The following CRTAC1 variants were observed in gnomAD, a reference collection of about 807,000 sequenced individuals.
The protein encoded by CRTAC1 is acidic secreted protein in cartilage.
In CRTAC1, 37 loss-of-function variants were observed where a neutral mutation model predicts 67.8. The ratio of observed to expected loss-of-function variants is 0.55; its 90% CI spans 0.42 to 0.72. The LOEUF (loss-of-function observed/expected upper bound fraction) is 0.72. Ranked by LOEUF, CRTAC1 falls within the 30% of genes least tolerant of loss-of-function variation. The pLI is 0.00. For synonymous variants in CRTAC1, 348 were observed against 371.0 expected (o/e 0.94, Z 0.71); for missense variants, 780 against 931.6 (o/e 0.84, Z 2.12).
chr10:98,002,539 G>T (rs1842709918), intron 2 of CRTAC1, among the ~76,000 whole-genome samples: 1 of 151,824 alleles, frequency 6.6e-6, no homozygotes. Flanking sequence ...CAACCTCCAG[G>T]AATGCTTGCG....
rs746803120 is a variant in CRTAC1, at chr10:97,895,835, C to T, written c.1317+50G>A. ...ACCTTGCCCTCACCAACTCAAGGTA[C>T]CCGAGAGCACACAGGGCTGGGATCT... On this transcript the variant is annotated intron_variant, in intron 10 of 14. Coordinates refer to ENST00000370597, the MANE Select transcript of CRTAC1 (RefSeq NM_018058.7). This position sits in a 1 kb window ranked among gnomAD's most constrained non-coding sequence, Gnocchi z 4.2. 3 of 1,505,600 alleles carry T rather than the reference C, an allele frequency of 2.0e-6. No individual in the cohort carries two copies. The highest frequency in any genetic ancestry group is 2.8e-6 in the Non-Finnish European group (3 of 1,085,044). The allele number at this position is 1,505,600 out of a possible 1,614,324, so 93.3% of individuals were successfully genotyped here.
intron 14 of CRTAC1, among the ~76,000 whole-genome samples, chr10:97,872,983 A>G (rs933234107): frequency 8.5e-5 from 13 of 152,182 alleles, no homozygotes; most frequent in Non-Finnish European, 1.8e-4. Flanking sequence ...TGAAACCAGG[A>G]GGTTAAACGT....
intron 2 of CRTAC1, among the ~76,000 whole-genome samples, chr10:97,943,042 A>T (rs1170201845): frequency 6.6e-6 from 1 of 152,128 alleles, no homozygotes; most frequent in Non-Finnish European, 1.5e-5. Flanking sequence ...ACTGCACTCC[A>T]GCCTGGGCAA....
chr10:97,946,715 GCC>G (rs2051270399), intron 2 of CRTAC1, among the ~76,000 whole-genome samples: 1 of 152,198 alleles, frequency 6.6e-6, no homozygotes, highest in Non-Finnish European at 1.5e-5. Context: ...ACCTACCAGG[GCC>G]TCCTGATGGA....
chr10:97,972,688 G>A lies in CRTAC1; in HGVS notation c.225-36322C>T, dbSNP rs200942449. 4.1e-4 allele frequency among the ~76,000 whole-genome samples: 62 copies of A among 152,282 alleles called. No homozygotes were observed. In the East Asian group the frequency reaches 0.01, roughly 25 times the overall value. On this transcript the variant is annotated intron_variant, in intron 2 of 14. Coordinates refer to ENST00000370597, the MANE Select transcript of CRTAC1 (RefSeq NM_018058.7). ...GTGTAGTATCTATTGATAGGGAAAT[G>A]GTTGCATAAATTATAGAATATCCAC...
intron 8 of CRTAC1, 96 bp downstream of exon 8, chr10:97,901,407 G>GTAAA (rs1298351482): frequency 2.0e-6 from 3 of 1,512,400 alleles, no homozygotes; most frequent in Non-Finnish European, 2.7e-6. Flanking sequence ...CCTGGCCCTG[G>GTAAA]GAACCCTCCC....
At chr10:98,027,166 C>CAA (rs372224632) in intron 1 of CRTAC1, among the ~76,000 whole-genome samples, 1,444 of 116,212 alleles carry the variant, frequency 0.012, 26 homozygotes, top group African/African-American at 0.038. Flanking sequence ...GACTCCGTCT[C>CAA]AAAAAAAAAA....
intron 2 of CRTAC1, among the ~76,000 whole-genome samples, chr10:97,986,354 G>A (rs1425663844): frequency 1.3e-5 from 2 of 152,172 alleles, no homozygotes; most frequent in African/African-American, 2.4e-5. Flanking sequence ...CAACACATGC[G>A]AATCATCCAG....
intron 13 of CRTAC1, 85 bp downstream of exon 13, chr10:97,882,701 C>A: frequency 6.8e-7 from 1 of 1,476,720 alleles, no homozygotes; most frequent in South Asian, 1.1e-5. Context: ...TTGCTTGCAC[C>A]CTGGACCTTG....
chr10:97,917,640 G>C lies in CRTAC1; in HGVS notation c.575C>G (p.Ser192Cys). 1.3e-6 allele frequency: 2 copies of C among 1,584,138 alleles called. No homozygotes were observed. The highest frequency in any genetic ancestry group is 1.7e-6 in the Non-Finnish European group (2 of 1,161,366). ...GTAGGCGTAATTGGCAATGTAGATAGAGTAGCGTCCAGAGCCCTGAGGAAG... is the reference window on the plus strand; with the variant it reads ...GTAGGCGTAATTGGCAATGTAGATACAGTAGCGTCCAGAGCCCTGAGGAAG... ...CVDRKGSGRY[S>C]IYIANYAYGN... Residue 192 changes from serine (S) to cysteine (C), a missense_variant, in exon 5 of 15, where the codon TCT (serine) becomes TGT (cysteine). Coordinates refer to ENST00000370597, the MANE Select transcript of CRTAC1 (RefSeq NM_018058.7).
chr10:97,874,015 T>C (rs1465079373), intron 14 of CRTAC1, among the ~76,000 whole-genome samples: 1 of 152,204 alleles, frequency 6.6e-6, no homozygotes, highest in Non-Finnish European at 1.5e-5. Flanking sequence ...AAGCCCTGCC[T>C]CTCTTATTCC....
At chr10:97,923,186 A>G in intron 4 of CRTAC1, 78 bp downstream of exon 4, 1 of 1,554,872 alleles carries the variant, frequency 6.4e-7, no homozygotes, top group Non-Finnish European at 8.8e-7. Context: ...CCACTCTGTC[A>G]GGGGACGTCT....
At chr10:97,879,693 T>C (rs779087183) in intron 14 of CRTAC1, 13 of 1,548,998 alleles carry the variant, frequency 8.4e-6, no homozygotes, top group Admixed American at 4.0e-5. Flanking sequence ...TTAAAGTGCA[T>C]ATAACTGAAG....
rs867471987 is a variant in CRTAC1, at chr10:97,936,269, G to A, written c.322C>T (p.Arg108Trp). Reference protein sequence around the residue: ...DERSSPYYALRDRQGNAIGVT... With the variant: ...DERSSPYYALWDRQGNAIGVT... The stretch of plus-strand genomic sequence containing the variant: ...CCGATGGCGTTCCCCTGCCGGTCCC[G>A]CAGCGCGTAGTAGGGTGAGCTGCGC... Residue 108 changes from arginine to tryptophan, a missense_variant, in exon 3 of 15, where the codon CGG becomes TGG. Coordinates refer to ENST00000370597, the MANE Select transcript of CRTAC1 (RefSeq NM_018058.7). The A allele has an allele frequency of 6.8e-6, 11 of 1,613,986 alleles. No homozygotes were observed. Among genetic ancestry groups the A allele is most frequent in the African/African-American group, 5.3e-5 (4 of 74,948 alleles).
intron 2 of CRTAC1, among the ~76,000 whole-genome samples, chr10:97,946,428 C>T (rs2051264765): frequency 1.3e-5 from 2 of 152,200 alleles, no homozygotes; most frequent in Non-Finnish European, 2.9e-5. Context: ...CCCAGACTCA[C>T]ATCTCAGCTT....
At chr10:97,906,323 CT>C (rs1250212016) in intron 6 of CRTAC1, among the ~76,000 whole-genome samples, 1 of 152,202 alleles carries the variant, frequency 6.6e-6, no homozygotes, top group Non-Finnish European at 1.5e-5. Context: ...GCCCATTTCT[CT>C]CCTATCTATG....
intron 1 of CRTAC1, among the ~76,000 whole-genome samples, chr10:98,027,813 T>C (rs1293322087): frequency 6.6e-6 from 1 of 152,192 alleles, no homozygotes; most frequent in Admixed American, 6.5e-5. Flanking sequence ...GCCTACTGTA[T>C]AGAGAAAGTA....
At position 97,904,689 on chromosome 10, in the gene CRTAC1, G is replaced by T; in HGVS notation, c.976C>A (p.His326Asn). 1 of 1,583,112 alleles carries T rather than the reference G, an allele frequency of 6.3e-7. No homozygotes were observed. Among genetic ancestry groups the T allele is most frequent in the South Asian group, 1.2e-5 (1 of 85,952 alleles). ...PHRLYLQMST[H>N]GKVRFRDIAS... is the part of the protein sequence containing the mutation. Reference sequence around the variant, plus strand: ...CTTACCCGGAAGCGGACCTTCCCATGGGTGCTCATTTGCAGATAGAGGCGG... The same window carrying T: ...CTTACCCGGAAGCGGACCTTCCCATTGGTGCTCATTTGCAGATAGAGGCGG... The change falls in exon 7 of 15, where the codon CAT becomes AAT. Residue 326 changes from histidine (H) to asparagine (N), a missense_variant. Coordinates refer to ENST00000370597, the MANE Select transcript of CRTAC1 (RefSeq NM_018058.7).
intron 2 of CRTAC1, among the ~76,000 whole-genome samples, chr10:97,987,511 G>A (rs1320554382): frequency 6.6e-6 from 1 of 152,186 alleles, no homozygotes; most frequent in Non-Finnish European, 1.5e-5. Context: ...ATTTAACCAG[G>A]GGATTCCAGG....
Sources: allele counts gnomAD v4.1 joint callset (sites outside exome capture counted in the v4.1 genomes callset), GRCh38; gene constraint gnomAD v4.1.1; non-coding constraint Gnocchi (gnomAD v3.1); transcripts MANE v1.5; gene names NCBI Gene and HGNC (gene_info 2026-07-23, HGNC 2026-07-21).